CDH23: variants seen among roughly 807,000 people sequenced by gnomAD.
CDH23 encodes the protein cadherin-23.
CDH23 carries 189 observed loss-of-function variants against 317.1 expected under a neutral mutation model. The observed-to-expected ratio is 0.60, with a 90% confidence interval of 0.53 to 0.67. The LOEUF is 0.67. Among genes scored for constraint, CDH23 ranks in the 30% least tolerant of loss-of-function variants. CDH23 has a pLI of 0.00. For synonymous variants in CDH23, 1,839 were observed against 1,876.8 expected, an observed-to-expected ratio of 0.98 and a Z score of 0.52; for missense variants, 4,401 against 4,592.4, an observed-to-expected ratio of 0.96 and a Z score of 1.20.
intron 1 of CDH23, among the ~76,000 whole-genome samples, chr10:71,434,205 A>G (rs936545314): frequency 2.0e-4 from 31 of 152,140 alleles, no homozygotes; most frequent in Admixed American, 1.6e-3. Context: ...GTGCATGCTC[A>G]TATGTCACCT....
intron 38 of CDH23, among the ~76,000 whole-genome samples, chr10:71,766,177 C>T (rs1232150761): frequency 6.6e-6 from 1 of 152,200 alleles, no homozygotes; most frequent in Non-Finnish European, 1.5e-5. Context: ...TTGTCAGGAG[C>T]AGATCCTTTT....
intron 1 of CDH23, among the ~76,000 whole-genome samples, chr10:71,428,139 C>CTTTTTTTT (rs112105182): frequency 7.6e-6 from 1 of 131,536 alleles, no homozygotes; most frequent in Admixed American, 7.5e-5. Context: ...TTCTTTCTTT[C>CTTTTTTTT]TTTTTTTTTT....
intron 3 of CDH23, among the ~76,000 whole-genome samples, chr10:71,459,132 G>C (rs1424086552): frequency 3.9e-5 from 5 of 129,320 alleles, no homozygotes; most frequent in Middle Eastern, 5.3e-3. Flanking sequence ...CTGTCACCGA[G>C]GCTGGCACGC....
At position 71,734,662 on chromosome 10, in the gene CDH23, A is replaced by G; in HGVS notation, c.4209+4A>G. 1 of 1,448,086 alleles carries G rather than the reference A, an allele frequency of 6.9e-7. No homozygotes were observed. The allele number at this position is 1,448,086 out of a possible 1,614,324, so 89.7% of individuals were successfully genotyped here. On this transcript the variant is annotated splice_donor_region_variant and intron_variant, in intron 34 of 69. Transcript: ENST00000224721. ...CTGCTGCCTCTGCCTACAGAAGGTG[A>G]GTAGCCTGTGGCTGGAGCTTCCCCT... is the stretch of plus-strand genomic sequence containing the variant.
intron 14 of CDH23, among the ~76,000 whole-genome samples, chr10:71,661,941 G>A (rs1863689916): frequency 6.9e-6 from 1 of 144,788 alleles, no homozygotes. Context: ...CTCACACCCT[G>A]CGCGCACACA....
intron 48 of CDH23, chr10:71,796,191 T>C: frequency 1.1e-5 from 8 of 711,888 alleles, no homozygotes; most frequent in Non-Finnish European, 1.4e-5. Flanking sequence ...GGAGAGGAGG[T>C]CTCACTCTGG....
At chr10:71,472,485 C>A (rs1475615555) in intron 3 of CDH23, among the ~76,000 whole-genome samples, 2 of 152,228 alleles carry the variant, frequency 1.3e-5, no homozygotes, top group Non-Finnish European at 2.9e-5. Flanking sequence ...CTCCTTCTTT[C>A]TGGTTGGACC....
chr10:71,716,393 G>A, intron 28 of CDH23: 4 of 1,422,258 alleles, frequency 2.8e-6, no homozygotes, highest in South Asian at 1.5e-5. Context: ...TGGACCCAGG[G>A]CAGCGGGTAT....
At chr10:71,768,703 C>T (rs959000868) in intron 38 of CDH23, among the ~76,000 whole-genome samples, 1 of 152,056 alleles carries the variant, frequency 6.6e-6, no homozygotes, top group African/African-American at 2.4e-5. Flanking sequence ...TGGCTTGAAA[C>T]TCCTGGCTTC....
At chr10:71,641,472 G>A (rs979456083) in intron 11 of CDH23, among the ~76,000 whole-genome samples, 9 of 152,130 alleles carry the variant, frequency 5.9e-5, no homozygotes, top group East Asian at 1.9e-4. Context: ...CAAGCTTCTC[G>A]ACATGGACCC....
intron 47 of CDH23, among the ~76,000 whole-genome samples, chr10:71,791,646 G>A (rs1044222764): frequency 4.6e-5 from 7 of 151,280 alleles, no homozygotes. Flanking sequence ...CACAATCTCG[G>A]CTCACTGCAA....
intron 9 of CDH23, among the ~76,000 whole-genome samples, chr10:71,580,680 C>G (rs886569060): frequency 2.0e-5 from 3 of 152,190 alleles, no homozygotes; most frequent in Non-Finnish European, 4.4e-5. Flanking sequence ...TTGAACAACA[C>G]GTGCAGGGTG....
At chr10:71,502,610 T>A (rs1478290876) in intron 3 of CDH23, among the ~76,000 whole-genome samples, 1 of 152,132 alleles carries the variant, frequency 6.6e-6, no homozygotes, top group African/African-American at 2.4e-5. Flanking sequence ...TGCTTTCGGG[T>A]GACAGCAGTC....
intron 6 of CDH23, among the ~76,000 whole-genome samples, chr10:71,561,980 A>C (rs1036597677): frequency 3.9e-5 from 6 of 152,140 alleles, no homozygotes; most frequent in Admixed American, 2.0e-4. Flanking sequence ...CTTTCCAGCA[A>C]GAAGCTGGAC....
At chr10:71,604,776 G>T (rs1860432101) in intron 9 of CDH23, among the ~76,000 whole-genome samples, 1 of 152,218 alleles carries the variant, frequency 6.6e-6, no homozygotes. Context: ...CCCTCAGCAG[G>T]ACTGGGCCCC....
chr10:71,761,258 C>G (rs1589405294), intron 38 of CDH23, among the ~76,000 whole-genome samples: 1 of 152,324 alleles, frequency 6.6e-6, no homozygotes, highest in Admixed American at 6.5e-5. Flanking sequence ...TGAGTCATGC[C>G]CCAGGGCACC....
chr10:71,687,896 C>T (rs1448203754), intron 19 of CDH23, among the ~76,000 whole-genome samples, 177 bp downstream of exon 19: 1 of 152,182 alleles, frequency 6.6e-6, no homozygotes, highest in Non-Finnish European at 1.5e-5. Context: ...TAGTTACCTG[C>T]CAGCTAACAG....
At chr10:71,672,375 C>T (rs1198228227) in intron 14 of CDH23, among the ~76,000 whole-genome samples, 3 of 152,070 alleles carry the variant, frequency 2.0e-5, no homozygotes, top group Admixed American at 1.3e-4. Flanking sequence ...TGCTGCAGCC[C>T]GGCACTGGCC....
chr10:71,646,684 G>T, intron 14 of CDH23, 67 bp downstream of exon 14: 1 of 1,613,848 alleles, frequency 6.2e-7, no homozygotes, highest in Non-Finnish European at 8.5e-7. Context: ...GCACCCAGAG[G>T]GATTTTGTCC....
Sources: allele counts gnomAD v4.1 joint callset (sites outside exome capture counted in the v4.1 genomes callset), GRCh38; gene constraint gnomAD v4.1.1; transcripts MANE v1.5; gene names NCBI Gene and HGNC (gene_info 2026-07-23, HGNC 2026-07-21).